The following IMMP2L variants were observed in gnomAD, a reference collection of about 807,000 sequenced individuals.
IMMP2L encodes mitochondrial inner membrane protease subunit 2.
IMMP2L carries 18 observed loss-of-function variants against 19.3 expected under a neutral mutation model. The observed-to-expected ratio is 0.93, with a 90% CI of 0.64 to 1.38. IMMP2L has a LOEUF of 1.38. Ranked by LOEUF, IMMP2L falls within the 40% of genes most tolerant of loss-of-function variation. IMMP2L has a pLI of 0.00. For missense variants in IMMP2L, 233 were observed against 218.2 expected (o/e 1.07, Z -0.43); for synonymous variants, 76 against 73.0 (o/e 1.04, Z -0.21).
chr7:111,039,923 T>A (rs2129570702), intron 3 of IMMP2L, among the ~76,000 whole-genome samples: 1 of 152,206 alleles, frequency 6.6e-6, no homozygotes, highest in African/African-American at 2.4e-5. Context: ...CCCAGCACTT[T>A]GGGAGGCCGA....
At chr7:110,852,202 A>ATGGG (rs1432501725) in intron 5 of IMMP2L, among the ~76,000 whole-genome samples, 1 of 138,356 alleles carries the variant, frequency 7.2e-6, no homozygotes, top group African/African-American at 2.8e-5. Context: ...GGATGGAAGG[A>ATGGG]TGGATGGATG....
At chr7:110,767,168 T>G (rs1798721602) in intron 5 of IMMP2L, among the ~76,000 whole-genome samples, 1 of 152,168 alleles carries the variant, frequency 6.6e-6, no homozygotes, top group Non-Finnish European at 1.5e-5. Context: ...TTAAGCCATA[T>G]TGTTGTTGCT....
At chr7:110,885,773 T>C (rs776254790) in intron 5 of IMMP2L, among the ~76,000 whole-genome samples, 5 of 151,994 alleles carry the variant, frequency 3.3e-5, no homozygotes, top group Non-Finnish European at 7.4e-5. Flanking sequence ...CTTTTCTTCC[T>C]GAAAGCAGGA....
chr7:111,533,555 G>C (rs777583871), intron 1 of IMMP2L, among the ~76,000 whole-genome samples: 2 of 152,044 alleles, frequency 1.3e-5, no homozygotes, highest in Non-Finnish European at 2.9e-5. Flanking sequence ...AAGACCCAAG[G>C]GCGCAAAGAA....
rs541834139 is a variant in IMMP2L, at chr7:110,907,732, C to T, written c.306-21037G>A. On this transcript the variant is annotated intron_variant, in intron 4 of 5. Transcript: ENST00000405709. ...TAAAAAATACTTGGACCAGTACTTGCTATATAGTAAAAATTTTATATTCAT... is the reference window on the plus strand; with the variant it reads ...TAAAAAATACTTGGACCAGTACTTGTTATATAGTAAAAATTTTATATTCAT... 3.9e-5 allele frequency among the ~76,000 whole-genome samples: 6 copies of T among 152,222 alleles called. No individual in the cohort carries two copies. In the East Asian group the frequency reaches 9.6e-4, roughly 24 times the overall value.
At chr7:111,012,140 A>C (rs1825030484) in intron 3 of IMMP2L, among the ~76,000 whole-genome samples, 1 of 152,148 alleles carries the variant, frequency 6.6e-6, no homozygotes, top group African/African-American at 2.4e-5. Context: ...TGCAGATCAA[A>C]GGTACAGGGA....
intron 3 of IMMP2L, among the ~76,000 whole-genome samples, chr7:111,378,373 CA>C (rs1830886119): frequency 6.6e-6 from 1 of 151,868 alleles, no homozygotes; most frequent in Admixed American, 6.6e-5. Context: ...ATAATTGTCA[CA>C]AATATAAAAA....
At chr7:111,187,090 A>G (rs1409900270) in intron 3 of IMMP2L, among the ~76,000 whole-genome samples, 1 of 152,192 alleles carries the variant, frequency 6.6e-6, no homozygotes, top group Non-Finnish European at 1.5e-5. Flanking sequence ...ACGTATAAAT[A>G]AAATCAAAGT....
chr7:111,465,486 G>A (rs1840550794), intron 3 of IMMP2L, among the ~76,000 whole-genome samples: 2 of 131,186 alleles, frequency 1.5e-5, no homozygotes, highest in African/African-American at 5.9e-5. Flanking sequence ...AGTAGTGTTT[G>A]AGACCAGGTG....
At chr7:110,664,180 G>A (rs1036715599) in intron 5 of IMMP2L, among the ~76,000 whole-genome samples, 23 of 152,198 alleles carry the variant, frequency 1.5e-4, no homozygotes, top group African/African-American at 9.6e-5. Flanking sequence ...AGAGTTTCCC[G>A]CAGAGTCATT....
intron 1 of IMMP2L, among the ~76,000 whole-genome samples, chr7:111,560,392 T>G (rs1251508682): frequency 6.6e-6 from 1 of 152,180 alleles, no homozygotes; most frequent in Non-Finnish European, 1.5e-5. Context: ...CTTTACACTC[T>G]CCATGATTCC....
intron 3 of IMMP2L, among the ~76,000 whole-genome samples, chr7:111,314,412 C>A (rs187236422): frequency 6.6e-6 from 1 of 152,142 alleles, no homozygotes; most frequent in Admixed American, 6.6e-5. Context: ...AAAAGGTGAG[C>A]AAAGTATGAT....
chr7:110,931,792 G>T (rs1018158889), intron 4 of IMMP2L, among the ~76,000 whole-genome samples: 12 of 152,048 alleles, frequency 7.9e-5, no homozygotes, highest in Admixed American at 3.9e-4. Context: ...TACATAGTCT[G>T]ATCCTAGTGC....
rs1173206033 is a variant in IMMP2L at position 110,802,123 on chromosome 7, G to A, written c.408+84470C>T. Among the ~76,000 whole-genome samples, 2 of 152,044 alleles carry A rather than the reference G, an allele frequency of 1.3e-5. 1 individual carries two copies. Among genetic ancestry groups the A allele is most frequent in the South Asian group, 4.1e-4 (2 of 4,824 alleles). On this transcript the variant is annotated intron_variant, in intron 5 of 5. Coordinates refer to ENST00000405709, the MANE Select transcript of IMMP2L (RefSeq NM_032549.4). ...AAATTTGAACTAAATCCAAGTCATT[G>A]ATCTTGGTCATCTTTGAATATAGAT...
At chr7:110,818,067 T>A (rs1433219265) in intron 5 of IMMP2L, among the ~76,000 whole-genome samples, 2 of 151,964 alleles carry the variant, frequency 1.3e-5, no homozygotes, top group Non-Finnish European at 2.9e-5. Flanking sequence ...GGACTTCATG[T>A]CTAAAACACC....
At chr7:110,767,448 C>T (rs1798744320) in intron 5 of IMMP2L, among the ~76,000 whole-genome samples, 1 of 152,148 alleles carries the variant, frequency 6.6e-6, no homozygotes, top group African/African-American at 2.4e-5. Flanking sequence ...TAGTGTCACT[C>T]TCCACCCTTT....
chr7:111,408,523 A>G (rs38744), intron 3 of IMMP2L, among the ~76,000 whole-genome samples: 84,360 of 151,380 alleles, frequency 0.56, 24,360 homozygotes, highest in South Asian at 0.72. Context: ...AGTGCATCAT[A>G]TCACAGAACT....
chr7:111,190,321 C>T (rs1039576250), intron 3 of IMMP2L, among the ~76,000 whole-genome samples: 2 of 152,046 alleles, frequency 1.3e-5, no homozygotes, highest in African/African-American at 4.8e-5. Context: ...TCTGATTCTA[C>T]TAGTCCTTCA....
chr7:111,265,421 C>G (rs1817727699), intron 3 of IMMP2L, among the ~76,000 whole-genome samples: 1 of 152,044 alleles, frequency 6.6e-6, no homozygotes, highest in Admixed American at 6.6e-5. Flanking sequence ...ATTTAACAAA[C>G]CATTTTGGAG....
Sources: gnomAD v4.1 joint callset for allele counts (sites outside exome capture counted in the v4.1 genomes callset) on GRCh38, gnomAD v4.1.1 for gene constraint, MANE v1.5 for transcripts, NCBI Gene and HGNC (gene_info 2026-07-23, HGNC 2026-07-21) for gene names.